The following NR3C2 variants were observed in gnomAD, a reference collection of about 807,000 sequenced individuals.
NR3C2 encodes nuclear receptor subfamily 3 group C member 2.
A neutral mutation model predicts 86.4 loss-of-function variants in NR3C2; 15 were observed. The observed-to-expected ratio is 0.17, with a 90% CI of 0.12 to 0.27. The LOEUF (loss-of-function observed/expected upper bound fraction) is 0.27. NR3C2 is among the 10% of genes least tolerant of loss of function. The pLI is 1.00. For missense variants in NR3C2, 960 were observed against 1,195.6 expected (o/e 0.80, Z 2.91); for synonymous variants, 458 against 450.5 (o/e 1.02, Z -0.21).
intron 2 of NR3C2, among the ~76,000 whole-genome samples, chr4:148,392,249 AAACCATTTAAC>A (rs1437979161): frequency 6.6e-6 from 1 of 152,372 alleles, no homozygotes; most frequent in African/African-American, 2.4e-5. Context: ...AATTCTAAAG[AAACCATTTAAC>A]AATCATTTCA....
chr4:148,347,655 G>A (rs1260269509), intron 2 of NR3C2, among the ~76,000 whole-genome samples: 4 of 152,102 alleles, frequency 2.6e-5, no homozygotes, highest in Admixed American at 1.3e-4. Context: ...TTCCCAAAGC[G>A]TTTATTCAAC....
intron 3 of NR3C2, among the ~76,000 whole-genome samples, chr4:148,216,150 A>G (rs1027023258): frequency 6.6e-6 from 1 of 152,150 alleles, no homozygotes; most frequent in Non-Finnish European, 1.5e-5. Flanking sequence ...CTCTGTTCCA[A>G]TAAAACTTTA....
In NR3C2 at chr4:148,155,285, G is replaced by A. The variant is rs1012149379; in HGVS notation, c.2015-384C>T. ...CTGCACCGCAGTGCAGGTAGAGATC[G>A]GTAAGGGTATTCAATTAGGAAAAGA... On this transcript the variant is annotated intron_variant, in intron 4 of 8. Transcript: ENST00000358102. 5.3e-5 allele frequency among the ~76,000 whole-genome samples: 8 copies of A among 152,122 alleles called. No homozygotes were observed. In the South Asian group the frequency reaches 6.2e-4, roughly 12 times the overall value.
chr4:148,340,491 G>T (rs1248210504), intron 2 of NR3C2, among the ~76,000 whole-genome samples: 1 of 152,102 alleles, frequency 6.6e-6, no homozygotes, highest in Non-Finnish European at 1.5e-5. Context: ...AACTTAAATT[G>T]AACTAACAAC....
upstream of NR3C2, among the ~76,000 whole-genome samples, chr4:148,443,581 G>T (rs1750458290): frequency 6.7e-6 from 1 of 150,216 alleles, no homozygotes; most frequent in Non-Finnish European, 1.5e-5. Flanking sequence ...CTAAGCAAAA[G>T]GATGGGGTTC....
chr4:148,141,446 T>TCA (rs763844203), intron 6 of NR3C2, among the ~76,000 whole-genome samples: 30,891 of 149,280 alleles, frequency 0.21, 3,358 homozygotes, highest in Middle Eastern at 0.31. Context: ...TCCCTCTCTC[T>TCA]CACACACACA....
In NR3C2 at chr4:148,387,189, G is replaced by T. The variant is rs557974017; in HGVS notation, c.1757+47915C>A. Among the ~76,000 whole-genome samples, 14 of 152,252 alleles carry T rather than the reference G, an allele frequency of 9.2e-5. 1 individual carries two copies. Among genetic ancestry groups the T allele is most frequent in the Non-Finnish European group, 4.4e-5 (3 of 68,018 alleles). On this transcript the variant is annotated intron_variant, in intron 2 of 8. Transcript: ENST00000358102. ...AGCTTAAAGCAGGTTTTATTGGTTT[G>T]TACCTTTGACTTTTCACTGACTTCT...
At chr4:148,200,095 C>T (rs1166628296) in intron 3 of NR3C2, among the ~76,000 whole-genome samples, 3 of 152,206 alleles carry the variant, frequency 2.0e-5, no homozygotes, top group African/African-American at 7.2e-5. Context: ...AAGGCTGAGA[C>T]ACAGTTAAGT....
intron 2 of NR3C2, among the ~76,000 whole-genome samples, chr4:148,263,770 ACTGGAAACC>A (rs1179334358): frequency 6.6e-6 from 1 of 152,020 alleles, no homozygotes; most frequent in Non-Finnish European, 1.5e-5. Context: ...CCTCACTCCC[ACTGGAAACC>A]CTGTCCATCA....
upstream of NR3C2, chr4:148,442,675 T>A (rs61760025): frequency 5.8e-3 from 5,748 of 985,346 alleles, 26 homozygotes; most frequent in Non-Finnish European, 6.6e-3. Flanking sequence ...GCGGGCGACA[T>A]GACTGATACA....
intron 8 of NR3C2, among the ~76,000 whole-genome samples, chr4:148,113,258 T>A (rs1331165802): frequency 6.6e-6 from 1 of 152,182 alleles, no homozygotes; most frequent in Non-Finnish European, 1.5e-5. Context: ...GACTCAAAAG[T>A]TGGCAAAGAT....
At chr4:148,143,298 T>A (rs1052610487) in intron 6 of NR3C2, among the ~76,000 whole-genome samples, 4 of 152,154 alleles carry the variant, frequency 2.6e-5, no homozygotes, top group African/African-American at 9.7e-5. Context: ...TTGAGGAAAT[T>A]CACTGAAACG....
chr4:148,362,206 G>A lies in NR3C2; in HGVS notation c.1757+72898C>T, dbSNP rs560193336. 1.4e-3 allele frequency among the ~76,000 whole-genome samples: 208 copies of A among 152,292 alleles called. 1 individual carries two copies. The highest frequency in any genetic ancestry group is 1.6e-3 in the Non-Finnish European group (112 of 68,018). On this transcript the variant is annotated intron_variant, in intron 2 of 8. Transcript: ENST00000358102. The stretch of plus-strand genomic sequence containing the variant: ...GTGGCGTATCCCAAGATTTCAGGCT[G>A]TTTGCATTATTTCCTTTTAGGTAAG...
chr4:148,341,227 T>A (rs1027033862), intron 2 of NR3C2, among the ~76,000 whole-genome samples: 3 of 152,134 alleles, frequency 2.0e-5, no homozygotes, highest in African/African-American at 7.2e-5. Context: ...GTCCAACAGA[T>A]GAATGGATTT....
intron 2 of NR3C2, among the ~76,000 whole-genome samples, chr4:148,346,369 T>C (rs1430112540): frequency 1.3e-5 from 2 of 152,098 alleles, no homozygotes; most frequent in Non-Finnish European, 2.9e-5. Context: ...AGATCCTTTG[T>C]AGATGAAGGC....
At chr4:148,152,310 A>AT (rs1399062977) in intron 6 of NR3C2, 159 bp downstream of exon 6, 2 of 709,814 alleles carry the variant, frequency 2.8e-6, no homozygotes, top group Non-Finnish European at 4.7e-6. Flanking sequence ...GCAAAGAGTA[A>AT]TTTTTTAAGT....
At chr4:148,135,406 G>A (rs1233471162) in intron 6 of NR3C2, among the ~76,000 whole-genome samples, 1 of 152,062 alleles carries the variant, frequency 6.6e-6, no homozygotes, top group African/African-American at 2.4e-5. Flanking sequence ...TTTTCCTCTG[G>A]TAGAAGCAGC....
chr4:148,299,742 C>A (rs76641457), intron 2 of NR3C2, among the ~76,000 whole-genome samples: 2,146 of 152,370 alleles, frequency 0.014, 54 homozygotes, highest in African/African-American at 0.049. Context: ...CTTTCCAAAC[C>A]TGCAGTTCCG....
At chr4:148,136,066 A>C (rs1406424079) in intron 6 of NR3C2, among the ~76,000 whole-genome samples, 7 of 97,646 alleles carry the variant, frequency 7.2e-5, no homozygotes, top group African/African-American at 1.4e-4. Flanking sequence ...CAAAAAAAAA[A>C]AAAAAAAAAA....
Sources: gnomAD v4.1 joint callset for allele counts (sites outside exome capture counted in the v4.1 genomes callset) on GRCh38, gnomAD v4.1.1 for gene constraint, MANE v1.5 for transcripts, NCBI Gene and HGNC (gene_info 2026-07-23, HGNC 2026-07-21) for gene names.